The following SMARCA2 variants were observed in gnomAD, a reference collection of about 807,000 sequenced individuals.
SMARCA2 encodes the protein SWI/SNF related BAF chromatin remodeling complex subunit ATPase 2.
A neutral mutation model predicts 199.8 loss-of-function variants in SMARCA2; 61 were observed. The observed-to-expected ratio is 0.31, with a 90% confidence interval of 0.25 to 0.38. The LOEUF is 0.38. SMARCA2 is among the 10% of genes least tolerant of loss of function. The probability of loss-of-function intolerance (pLI) is 1.00; values close to 1 mark genes in which losing one functional copy is unlikely to be tolerated. For missense variants in SMARCA2, 1,344 were observed against 2,012.2 expected (o/e 0.67, Z 6.35); for synonymous variants, 935 against 732.0 (o/e 1.28, Z -4.48).
In SMARCA2 at chr9:2,123,597, T is replaced by G. The variant is rs910581348; in HGVS notation, c.3763-122T>G. 40 of 811,942 alleles carry G rather than the reference T, an allele frequency of 4.9e-5. No individual in the cohort carries two copies. The highest frequency in any genetic ancestry group is 2.7e-4 in the Middle Eastern group (1 of 3,722). 50.3% of individuals were successfully genotyped at this position (811,942 alleles called of 1,614,324 possible). A position where few individuals can be genotyped will look rare whatever the true frequency, so the allele number is the denominator to read the frequency against. ...ATGAGCTAGAACAAGCCAACCAGGATGAGAGAGGTTGAAAGGGACCCTGCA... is the reference window on the plus strand; with the variant it reads ...ATGAGCTAGAACAAGCCAACCAGGAGGAGAGAGGTTGAAAGGGACCCTGCA... On this transcript the variant is annotated intron_variant, in intron 26 of 33. Transcript: ENST00000349721. The surrounding 1 kb of genome is among the most constrained non-coding windows in gnomAD (Gnocchi z 4.1).
At chr9:2,026,615 A>G (rs1186115542) in intron 1 of SMARCA2, among the ~76,000 whole-genome samples, 2 of 152,200 alleles carry the variant, frequency 1.3e-5, no homozygotes, top group Admixed American at 6.5e-5. Context: ...CAGTGTTTGT[A>G]TCTTCATTGT....
chr9:2,088,821 C>T (rs760088038), intron 19 of SMARCA2, among the ~76,000 whole-genome samples: 7 of 149,774 alleles, frequency 4.7e-5, no homozygotes, highest in African/African-American at 1.5e-4. Flanking sequence ...CAAAAGCGTT[C>T]GAGCAGATTT....
chr9:2,084,916 T>C (rs1465613139), intron 17 of SMARCA2, among the ~76,000 whole-genome samples: 1 of 152,210 alleles, frequency 6.6e-6, no homozygotes, highest in African/African-American at 2.4e-5. Flanking sequence ...ATGGAAGTGC[T>C]CTCTTTCGTG....
At chr9:2,141,037 C>G (rs967212725) in intron 27 of SMARCA2, among the ~76,000 whole-genome samples, 2 of 152,064 alleles carry the variant, frequency 1.3e-5, no homozygotes, top group African/African-American at 4.8e-5. Flanking sequence ...TTTTAAGTGA[C>G]CTGTCACCTC....
chr9:2,183,991 G>C (rs962016719), intron 31 of SMARCA2, among the ~76,000 whole-genome samples: 1 of 152,090 alleles, frequency 6.6e-6, no homozygotes. Context: ...CTCTTGACTG[G>C]TTTCTCCCCC....
intron 19 of SMARCA2, among the ~76,000 whole-genome samples, chr9:2,094,743 T>TA (rs1441268028): frequency 6.6e-6 from 1 of 152,242 alleles, no homozygotes; most frequent in Non-Finnish European, 1.5e-5. Flanking sequence ...GCTATCCCAG[T>TA]ACAGCTCTTT....
chr9:2,061,686 G>A (rs541413544), intron 9 of SMARCA2, among the ~76,000 whole-genome samples: 22 of 152,200 alleles, frequency 1.4e-4, no homozygotes, highest in Non-Finnish European at 2.4e-4. Context: ...TTGATACTGT[G>A]TGTTCATGAT....
At chr9:2,070,256 T>C (rs1821031800) in intron 9 of SMARCA2, among the ~76,000 whole-genome samples, 162 bp from the exon 10 acceptor site, 1 of 152,236 alleles carries the variant, frequency 6.6e-6, no homozygotes, top group Non-Finnish European at 1.5e-5. Flanking sequence ...ATACATGTTT[T>C]GTCTCAGCAA....
chr9:2,121,401 G>C (rs780448037), intron 26 of SMARCA2, among the ~76,000 whole-genome samples: 1 of 152,176 alleles, frequency 6.6e-6, no homozygotes, highest in Non-Finnish European at 1.5e-5. Flanking sequence ...CTATTTTGAG[G>C]ATTAGACAGA....
intron 27 of SMARCA2, among the ~76,000 whole-genome samples, chr9:2,134,917 G>A (rs545329682): frequency 1.2e-3 from 188 of 152,196 alleles, no homozygotes; most frequent in Admixed American, 3.1e-3. Flanking sequence ...TCCAGCCTCC[G>A]AAACTGAGAA....
intron 10 of SMARCA2, among the ~76,000 whole-genome samples, chr9:2,072,722 G>A (rs1230623913): frequency 6.6e-6 from 1 of 152,242 alleles, no homozygotes; most frequent in African/African-American, 2.4e-5. Flanking sequence ...AAAAGGGAAT[G>A]TATTGATAGG....
chr9:2,148,886 C>T (rs1293464486), intron 27 of SMARCA2, among the ~76,000 whole-genome samples: 1 of 151,544 alleles, frequency 6.6e-6, no homozygotes, highest in East Asian at 1.9e-4. Flanking sequence ...GACTGTGCTT[C>T]AGTTGACCTG....
chr9:2,061,662 C>T (rs1277740375), intron 9 of SMARCA2, among the ~76,000 whole-genome samples: 1 of 152,122 alleles, frequency 6.6e-6, no homozygotes, highest in African/African-American at 2.4e-5. Flanking sequence ...GTCATCCAGT[C>T]GTCTAGTTAG....
intron 5 of SMARCA2, among the ~76,000 whole-genome samples, chr9:2,054,289 C>G (rs892646398): frequency 1.3e-5 from 2 of 152,220 alleles, no homozygotes; most frequent in Admixed American, 6.5e-5. Context: ...TATTCTCTCT[C>G]TGCTAAGAGT....
intron 27 of SMARCA2, among the ~76,000 whole-genome samples, chr9:2,141,330 C>G (rs1824450191): frequency 6.6e-6 from 1 of 152,180 alleles, no homozygotes; most frequent in African/African-American, 2.4e-5. Context: ...CTAAGCCTCA[C>G]AGGTAGGGAG....
chr9:2,089,413 G>A (rs895116963), intron 19 of SMARCA2, among the ~76,000 whole-genome samples: 2 of 152,090 alleles, frequency 1.3e-5, no homozygotes, highest in Admixed American at 1.3e-4. Flanking sequence ...CTTTAGAAGA[G>A]CCAATTCTGA....
chr9:2,070,612 G>C, intron 10 of SMARCA2, 141 bp downstream of exon 10: 1 of 621,158 alleles, frequency 1.6e-6, no homozygotes, highest in Non-Finnish European at 2.9e-6. Context: ...TAGCATAGTA[G>C]AAAATTAGAA....
At chr9:2,067,899 C>T (rs1336083262) in intron 9 of SMARCA2, among the ~76,000 whole-genome samples, 4 of 152,296 alleles carry the variant, frequency 2.6e-5, no homozygotes, top group African/African-American at 9.6e-5. Flanking sequence ...AAGTATCCTT[C>T]AGAATAGTTT....
intron 27 of SMARCA2, among the ~76,000 whole-genome samples, chr9:2,142,555 T>G (rs1824515604): frequency 6.6e-6 from 1 of 152,186 alleles, no homozygotes; most frequent in Non-Finnish European, 1.5e-5. Flanking sequence ...TTGAGTCTAG[T>G]GCAGGAGGTC....
Sources: gnomAD v4.1 joint callset for allele counts (sites outside exome capture counted in the v4.1 genomes callset) on GRCh38, gnomAD v4.1.1 for gene constraint, Gnocchi (gnomAD v3.1) non-coding constraint, MANE v1.5 for transcripts, NCBI Gene and HGNC (gene_info 2026-07-23, HGNC 2026-07-21) for gene names.